UBE2D4: variants seen among roughly 807,000 people sequenced by gnomAD.
The protein encoded by UBE2D4 is ubiquitin conjugating enzyme E2 D4, also known as ubiquitin-conjugating enzyme E2 D4.
In UBE2D4, 17 loss-of-function variants were observed where a neutral mutation model predicts 23.0. The ratio of observed to expected loss-of-function variants is 0.74; its 90% CI spans 0.51 to 1.11. UBE2D4 has a LOEUF of 1.11. Among genes scored for constraint, UBE2D4 ranks in the 50% least tolerant of loss-of-function variants. The pLI is 0.00. For synonymous variants in UBE2D4, 61 were observed against 69.4 expected, an observed-to-expected ratio of 0.88 and a Z score of 0.60; for missense variants, 139 against 181.8, an observed-to-expected ratio of 0.76 and a Z score of 1.35.
At chr7:43,934,621 T>G (rs2095954394) in intron 1 of UBE2D4, among the ~76,000 whole-genome samples, 1 of 148,008 alleles carries the variant, frequency 6.8e-6, no homozygotes, top group Non-Finnish European at 1.5e-5. Flanking sequence ...AACCTCCACC[T>G]CCCGGGCTAA....
At position 43,953,004 on chromosome 7, in the gene UBE2D4, T is replaced by G. The variant is rs1307269113; in HGVS notation, c.*309T>G. On this transcript the variant is annotated 3_prime_UTR_variant, in exon 7 of 7. Transcript: ENST00000222402. The stretch of plus-strand genomic sequence containing the variant: ...GCTGGTCTCTTGGGGGGCCAGGCCC[T>G]GCACGTCTCTCCTACCCGGCCTCAA... 2.5e-6 allele frequency: 1 copy of G among 404,460 alleles called. No homozygotes were observed. The highest frequency in any genetic ancestry group is 4.8e-6 in the Non-Finnish European group (1 of 207,708). 25.1% of individuals were successfully genotyped at this position (404,460 alleles called of 1,614,324 possible). A position where few individuals can be genotyped will look rare whatever the true frequency, so the allele number is the denominator to read the frequency against.
intron 1 of UBE2D4, among the ~76,000 whole-genome samples, chr7:43,930,443 TTTAG>T (rs533385289): frequency 7.7e-4 from 117 of 152,196 alleles, no homozygotes; most frequent in South Asian, 1.9e-3. Flanking sequence ...AGATGCACTT[TTTAG>T]TTAGTTAGTT....
In UBE2D4 at chr7:43,953,884, G is replaced by A. The variant is rs2096008223; in HGVS notation, c.*1189G>A. ...GGTTATAAAGCTGGTCCACTTCCAG[G>A]AAGTGATGTGTAGGTGAATAGGAAC... is the stretch of plus-strand genomic sequence containing the variant. On this transcript the variant is annotated 3_prime_UTR_variant, in exon 7 of 7. Coordinates refer to ENST00000222402, the MANE Select transcript of UBE2D4 (RefSeq NM_015983.4). 6.6e-6 allele frequency: 1 copy of A among 152,344 alleles called. No individual in the cohort carries two copies. The highest frequency in any genetic ancestry group is 1.5e-5 in the Non-Finnish European group (1 of 68,138). 9.4% of individuals were successfully genotyped at this position (152,344 alleles called of 1,614,324 possible).
At chr7:43,943,445 G>A in intron 4 of UBE2D4, 1 of 254,862 alleles carries the variant, frequency 3.9e-6, no homozygotes. Flanking sequence ...CGTGGTGAGG[G>A]AGTACTACTG....
At position 43,950,815 on chromosome 7, in the gene UBE2D4, G is replaced by A. The variant is rs1289388005; in HGVS notation, c.398+123G>A. On this transcript the variant is annotated intron_variant, in intron 6 of 6. Transcript: ENST00000222402. ...CCACAGACATCTTCCTGCCCATGCTGAGCCATGTGCACAGAGGGTGTGCCC... is the reference window on the plus strand; with the variant it reads ...CCACAGACATCTTCCTGCCCATGCTAAGCCATGTGCACAGAGGGTGTGCCC... The A allele has an allele frequency of 2.2e-5, 17 of 766,564 alleles. No homozygotes were observed. In the East Asian group the frequency reaches 4.6e-4, roughly 21 times the overall value. 47.5% of individuals were successfully genotyped at this position (766,564 alleles called of 1,614,324 possible). A position where few individuals can be genotyped will look rare whatever the true frequency, so the allele number is the denominator to read the frequency against.
At chr7:43,935,346 C>T (rs930918661) in intron 1 of UBE2D4, among the ~76,000 whole-genome samples, 1 of 152,114 alleles carries the variant, frequency 6.6e-6, no homozygotes, top group Non-Finnish European at 1.5e-5. Flanking sequence ...TATATTCTAA[C>T]CCAAAATATT....
intron 1 of UBE2D4, among the ~76,000 whole-genome samples, chr7:43,933,078 T>TAC (rs1209232776): frequency 6.8e-6 from 1 of 147,882 alleles, no homozygotes; most frequent in Admixed American, 6.8e-5. Context: ...CACATATATA[T>TAC]ACACATATGT....
intron 1 of UBE2D4, among the ~76,000 whole-genome samples, chr7:43,930,583 T>G (rs752311254): frequency 1.3e-5 from 2 of 152,120 alleles, no homozygotes; most frequent in Non-Finnish European, 2.9e-5. Flanking sequence ...GCTTTCCCAG[T>G]AGCTGGGATT....
At chr7:43,927,027 T>C (rs4720463) in intron 1 of UBE2D4, among the ~76,000 whole-genome samples, 19,916 of 152,120 alleles carry the variant, frequency 0.13, 1,373 homozygotes, top group Admixed American at 0.18. Context: ...GGTGTGGACT[T>C]GGGTGGTCCT....
chr7:43,935,483 AT>A (rs879945070), intron 1 of UBE2D4, among the ~76,000 whole-genome samples: 81 of 148,398 alleles, frequency 5.5e-4, no homozygotes, highest in Non-Finnish European at 7.3e-4. Flanking sequence ...CAGAATACAT[AT>A]TTTTTTTTTT....
intron 1 of UBE2D4, 24 bp from the exon 2 acceptor site, chr7:43,938,407 C>G (rs553074476): frequency 2.5e-6 from 4 of 1,612,714 alleles, no homozygotes; most frequent in Admixed American, 3.3e-5. Context: ...TACAGCAGCT[C>G]TGACCCACTC....
intron 1 of UBE2D4, among the ~76,000 whole-genome samples, chr7:43,937,706 G>A (rs904289289): frequency 6.6e-6 from 1 of 152,218 alleles, no homozygotes; most frequent in Admixed American, 6.5e-5. Context: ...TGTGGTTACT[G>A]AAATGATCAG....
intron 6 of UBE2D4, chr7:43,952,000 C>T (rs1024888179): frequency 1.3e-5 from 2 of 152,092 alleles, no homozygotes; most frequent in Admixed American, 6.5e-5. Context: ...CCTCTTGTAA[C>T]TATAAATCTC....
chr7:43,954,244 T>C lies in UBE2D4; in HGVS notation c.*1549T>C, dbSNP rs1335308586. Reference sequence around the variant, plus strand: ...CTTTGGGTGTGGCTGCATCTCACCATGTTGAGGATTGCCTTTTTTTTTTTT... The same window carrying C: ...CTTTGGGTGTGGCTGCATCTCACCACGTTGAGGATTGCCTTTTTTTTTTTT... On this transcript the variant is annotated 3_prime_UTR_variant, in exon 7 of 7. Transcript: ENST00000222402. 1 of 148,196 alleles carries C rather than the reference T, an allele frequency of 6.7e-6. No individual in the cohort carries two copies. The highest frequency in any genetic ancestry group is 1.5e-5 in the Non-Finnish European group (1 of 67,366). 9.2% of individuals were successfully genotyped at this position (148,196 alleles called of 1,614,324 possible). A position where few individuals can be genotyped will look rare whatever the true frequency, so the allele number is the denominator to read the frequency against.
chr7:43,935,235 A>G (rs1056590905), intron 1 of UBE2D4, among the ~76,000 whole-genome samples: 56 of 152,244 alleles, frequency 3.7e-4, no homozygotes, highest in African/African-American at 9.9e-4. Context: ...CAGAGAGGTT[A>G]AGTGACTTTC....
intron 1 of UBE2D4, among the ~76,000 whole-genome samples, chr7:43,929,440 A>G (rs1299004105): frequency 1.3e-5 from 2 of 151,332 alleles, no homozygotes; most frequent in Non-Finnish European, 2.9e-5. Context: ...AAAAAAAAAA[A>G]AAGTAAATAA....
intron 6 of UBE2D4, chr7:43,952,396 T>TG: frequency 2.4e-6 from 1 of 412,466 alleles, no homozygotes; most frequent in South Asian, 3.2e-5. Flanking sequence ...TTATTAAATC[T>TG]TCCACAGCAG....
intron 4 of UBE2D4, among the ~76,000 whole-genome samples, chr7:43,945,710 G>A (rs1038051357): frequency 1.3e-5 from 2 of 150,918 alleles, no homozygotes; most frequent in African/African-American, 4.9e-5. Flanking sequence ...AAGGATGTTT[G>A]TGCATCCTCC....
Position 43,952,724 on chromosome 7 carries a change from G to C in UBE2D4, c.*29G>C, listed in dbSNP as rs760815205. Reference sequence around the variant, plus strand: ...CCTTGGAGGTTTTACATGAGACACTGTCCAAGAGAAGCTGGCAGAGAGGTC... The same window carrying C: ...CCTTGGAGGTTTTACATGAGACACTCTCCAAGAGAAGCTGGCAGAGAGGTC... On this transcript the variant is annotated 3_prime_UTR_variant, in exon 7 of 7. Coordinates refer to ENST00000222402, the MANE Select transcript of UBE2D4 (RefSeq NM_015983.4). The C allele has an allele frequency of 4.6e-5, 74 of 1,595,776 alleles. No individual in the cohort carries two copies. The highest frequency in any genetic ancestry group is 6.0e-5 in the Non-Finnish European group (70 of 1,163,564).
Sources: gnomAD v4.1 joint callset for allele counts (sites outside exome capture counted in the v4.1 genomes callset) on GRCh38, gnomAD v4.1.1 for gene constraint, MANE v1.5 for transcripts, NCBI Gene and HGNC (gene_info 2026-07-23, HGNC 2026-07-21) for gene names.